BRINP3: variants seen among roughly 807,000 people sequenced by gnomAD.
BRINP3 encodes the protein BMP/retinoic acid inducible neural specific 3.
A neutral mutation model predicts 71.0 loss-of-function variants in BRINP3; 19 were observed. The ratio of observed to expected loss-of-function variants is 0.27; its 90% CI spans 0.19 to 0.39. The LOEUF is 0.39. Among genes scored for constraint, BRINP3 ranks in the 10% least tolerant of loss-of-function variants. BRINP3 has a pLI of 1.00. For synonymous variants in BRINP3, 380 were observed against 337.7 expected (o/e 1.13, Z -1.37); for missense variants, 959 against 940.8 (o/e 1.02, Z -0.25).
intron 2 of BRINP3, among the ~76,000 whole-genome samples, chr1:190,338,886 T>C (rs560626550): frequency 2.4e-4 from 36 of 152,030 alleles, no homozygotes; most frequent in Middle Eastern, 3.4e-3. Flanking sequence ...CAATATATTC[T>C]TGTTGTCAGT....
At chr1:190,109,095 T>C (rs1652448127) in intron 7 of BRINP3, among the ~76,000 whole-genome samples, 1 of 152,160 alleles carries the variant, frequency 6.6e-6, no homozygotes, top group Admixed American at 6.5e-5. Context: ...ATTGTTTTCT[T>C]TTTGTTTACA....
intron 2 of BRINP3, among the ~76,000 whole-genome samples, chr1:190,423,180 G>A (rs1369430573): frequency 6.6e-6 from 1 of 151,664 alleles, no homozygotes; most frequent in East Asian, 1.9e-4. Flanking sequence ...CTGCTCCCCA[G>A]GAAGGCATTA....
At chr1:190,436,216 C>T (rs1674444932) in intron 2 of BRINP3, among the ~76,000 whole-genome samples, 1 of 151,826 alleles carries the variant, frequency 6.6e-6, no homozygotes, top group African/African-American at 2.4e-5. Context: ...AATATGAGGA[C>T]ATCATTTGGC....
intron 2 of BRINP3, among the ~76,000 whole-genome samples, chr1:190,316,914 T>G (rs1665918218): frequency 6.6e-6 from 1 of 152,094 alleles, no homozygotes; most frequent in Admixed American, 6.6e-5. Flanking sequence ...GGCTCATGCC[T>G]GTAACCCTAG....
At chr1:190,166,917 G>T (rs952220816) in intron 6 of BRINP3, among the ~76,000 whole-genome samples, 8 of 152,094 alleles carry the variant, frequency 5.3e-5, no homozygotes, top group African/African-American at 1.9e-4. Flanking sequence ...TAGAGACGGG[G>T]ATTCACCATG....
At chr1:190,229,115 G>T (rs1657689326) in intron 5 of BRINP3, among the ~76,000 whole-genome samples, 1 of 152,018 alleles carries the variant, frequency 6.6e-6, no homozygotes, top group South Asian at 2.1e-4. Flanking sequence ...GGTTAACCTG[G>T]AAATAAGGTA....
chr1:190,282,371 T>C (rs914300192), intron 2 of BRINP3, among the ~76,000 whole-genome samples: 1 of 151,808 alleles, frequency 6.6e-6, no homozygotes, highest in Non-Finnish European at 1.5e-5. Flanking sequence ...ATGAAAGATA[T>C]GTCTATAAAA....
At chr1:190,183,798 A>T (rs987251299) in intron 6 of BRINP3, among the ~76,000 whole-genome samples, 2 of 152,074 alleles carry the variant, frequency 1.3e-5, no homozygotes, top group East Asian at 3.9e-4. Context: ...ATACCACCAC[A>T]ATAGGGTGGT....
chr1:190,121,808 A>G (rs1349957841), intron 7 of BRINP3, among the ~76,000 whole-genome samples: 2 of 152,198 alleles, frequency 1.3e-5, no homozygotes, highest in Non-Finnish European at 2.9e-5. Context: ...AACCTCAAAT[A>G]TATGGAATGA....
chr1:190,304,896 G>T (rs2103008478), intron 2 of BRINP3, among the ~76,000 whole-genome samples: 1 of 151,874 alleles, frequency 6.6e-6, no homozygotes, highest in East Asian at 1.9e-4. Flanking sequence ...AATATACAAG[G>T]AGCTCAAACA....
chr1:190,420,212 T>C (rs1275810208), intron 2 of BRINP3, among the ~76,000 whole-genome samples: 2 of 151,964 alleles, frequency 1.3e-5, no homozygotes, highest in East Asian at 1.9e-4. Flanking sequence ...CTGTCAATCT[T>C]TGGCCACAAT....
chr1:190,190,596 A>G (rs72729154), intron 6 of BRINP3, among the ~76,000 whole-genome samples: 9,795 of 152,124 alleles, frequency 0.064, 448 homozygotes, highest in East Asian at 0.11. Context: ...CTCCTCACCA[A>G]TAACTACATA....
chr1:190,233,886 TA>T (rs1294496194), intron 5 of BRINP3, among the ~76,000 whole-genome samples: 1 of 152,186 alleles, frequency 6.6e-6, no homozygotes, highest in East Asian at 1.9e-4. Flanking sequence ...ATGGAAATCA[TA>T]TGAATATAAA....
chr1:190,372,099 T>A (rs1231828280), intron 2 of BRINP3, among the ~76,000 whole-genome samples: 1 of 152,046 alleles, frequency 6.6e-6, no homozygotes, highest in African/African-American at 2.4e-5. Flanking sequence ...TGGGAAGAGG[T>A]GAAAGACTGC....
intron 2 of BRINP3, among the ~76,000 whole-genome samples, chr1:190,353,725 T>G (rs1480140795): frequency 6.6e-6 from 1 of 151,944 alleles, no homozygotes; most frequent in African/African-American, 2.4e-5. Context: ...AAACCTCAAC[T>G]TATTGTCACT....
chr1:190,378,506 G>T (rs1401206552), intron 2 of BRINP3, among the ~76,000 whole-genome samples: 2 of 152,170 alleles, frequency 1.3e-5, no homozygotes, highest in Non-Finnish European at 2.9e-5. Context: ...CCTAGAAATA[G>T]TGTATTCCTT....
intron 7 of BRINP3, among the ~76,000 whole-genome samples, chr1:190,145,303 T>C (rs940811458): frequency 5.9e-5 from 9 of 152,322 alleles, no homozygotes; most frequent in Non-Finnish European, 7.4e-5. Context: ...TTTTGTGTCA[T>C]GCAACTTTAC....
intron 2 of BRINP3, among the ~76,000 whole-genome samples, chr1:190,344,804 T>C (rs993621343): frequency 4.0e-5 from 6 of 151,818 alleles, no homozygotes; most frequent in African/African-American, 1.4e-4. Context: ...CTAGTCAGAG[T>C]ATAAAGTTCA....
chr1:190,112,192 GGTTATACATGAAAGCTTTT>G, intron 7 of BRINP3, among the ~76,000 whole-genome samples: 1 of 152,220 alleles, frequency 6.6e-6, no homozygotes, highest in South Asian at 2.1e-4. Context: ...AAGCATGACT[GGTTATACATGAAAGCTTTT>G]TAGTGCTTGT....
Sources: gnomAD v4.1 joint callset for allele counts (sites outside exome capture counted in the v4.1 genomes callset) on GRCh38, gnomAD v4.1.1 for gene constraint, MANE v1.5 for transcripts, NCBI Gene and HGNC (gene_info 2026-07-23, HGNC 2026-07-21) for gene names.